TRPS1: variants seen among roughly 807,000 people sequenced by gnomAD.
The protein encoded by TRPS1 is zinc finger transcription factor Trps1.
In TRPS1, 6 loss-of-function variants were observed where a neutral mutation model predicts 101.2. The observed-to-expected ratio is 0.06, with a 90% confidence interval of 0.03 to 0.12. TRPS1 has a LOEUF of 0.12. Among genes scored for constraint, TRPS1 ranks in the 10% least tolerant of loss-of-function variants. TRPS1 has a pLI of 1.00. For missense variants in TRPS1, 1,363 were observed against 1,567.0 expected, an observed-to-expected ratio of 0.87 and a Z score of 2.20; for synonymous variants, 578 against 589.8, an observed-to-expected ratio of 0.98 and a Z score of 0.29.
intron 5 of TRPS1, among the ~76,000 whole-genome samples, chr8:115,549,584 G>T (rs1816656079): frequency 6.6e-6 from 1 of 151,212 alleles, no homozygotes; most frequent in Non-Finnish European, 1.5e-5. Context: ...TATATTCCTT[G>T]AGTTGTGTAG....
chr8:115,516,917 A>G (rs1815726194), intron 5 of TRPS1, among the ~76,000 whole-genome samples: 1 of 151,614 alleles, frequency 6.6e-6, no homozygotes, highest in Admixed American at 6.6e-5. Context: ...TGTGTGAACA[A>G]TTAGTAGAAT....
intron 5 of TRPS1, among the ~76,000 whole-genome samples, chr8:115,585,321 T>C (rs1331480759): frequency 1.3e-5 from 2 of 152,240 alleles, no homozygotes; most frequent in East Asian, 1.9e-4. Flanking sequence ...TTTTATACCA[T>C]TGCTTAATAA....
intron 5 of TRPS1, among the ~76,000 whole-genome samples, chr8:115,550,476 A>C (rs1412149793): frequency 6.6e-6 from 1 of 152,206 alleles, no homozygotes; most frequent in East Asian, 1.9e-4. Context: ...TAGTGGCTAA[A>C]TCTTAAGGAT....
At chr8:115,651,014 C>T (rs1811548136) in intron 1 of TRPS1, among the ~76,000 whole-genome samples, 3 of 152,168 alleles carry the variant, frequency 2.0e-5, no homozygotes, top group Non-Finnish European at 4.4e-5. Context: ...AACATCACAA[C>T]ACAACCTTTG....
intron 5 of TRPS1, among the ~76,000 whole-genome samples, chr8:115,425,607 C>T (rs1406176256): frequency 3.9e-5 from 6 of 152,210 alleles, no homozygotes; most frequent in Admixed American, 2.0e-4. Context: ...TGCTGCTGTG[C>T]TAAACACATT....
intron 5 of TRPS1, among the ~76,000 whole-genome samples, chr8:115,562,108 A>T (rs140274789): frequency 6.6e-6 from 1 of 152,250 alleles, no homozygotes; most frequent in African/African-American, 2.4e-5. Context: ...CCATGAAAGG[A>T]GGTATGAGAA....
intron 5 of TRPS1, among the ~76,000 whole-genome samples, chr8:115,458,326 T>G (rs2129958824): frequency 6.6e-6 from 1 of 152,284 alleles, no homozygotes; most frequent in East Asian, 1.9e-4. Context: ...TAAGTGAGTA[T>G]TTAGTCAAGT....
At chr8:115,563,819 T>A (rs1334739613) in intron 5 of TRPS1, among the ~76,000 whole-genome samples, 6 of 152,000 alleles carry the variant, frequency 3.9e-5, no homozygotes. Context: ...ACTGCTAGAG[T>A]ATACACCTTC....
chr8:115,409,275 A>AAAAAAAAC lies in TRPS1; in HGVS notation c.*4747_*4748insGTTTTTTT, dbSNP rs1274476911. On this transcript the variant is annotated 3_prime_UTR_variant, in exon 7 of 7. Coordinates refer to ENST00000395715, the MANE Select transcript of TRPS1 (RefSeq NM_014112.5). ...TTATATGTTGGGAAAAAAAAAAAAAAAAAAAACAGGGGAAAACCAGAATTG... is the reference window on the plus strand; with the variant it reads ...TTATATGTTGGGAAAAAAAAAAAAAAAAAAAAACAAAAAACAGGGGAAAACCAGAATTG... 3 of 149,876 alleles carry AAAAAAAAC rather than the reference A, an allele frequency of 2.0e-5. No individual in the cohort carries two copies. Among genetic ancestry groups the AAAAAAAAC allele is most frequent in the East Asian group, 1.9e-4 (1 of 5,134 alleles). 9.3% of individuals were successfully genotyped at this position (149,876 alleles called of 1,614,324 possible).
chr8:115,557,648 G>A (rs1243967693), intron 5 of TRPS1, among the ~76,000 whole-genome samples: 5 of 152,192 alleles, frequency 3.3e-5, no homozygotes. Flanking sequence ...ATTATAAGTT[G>A]CCTAAGGCCT....
chr8:115,642,559 C>T (rs1391172294), intron 1 of TRPS1, among the ~76,000 whole-genome samples: 1 of 151,850 alleles, frequency 6.6e-6, no homozygotes, highest in Non-Finnish European at 1.5e-5. Context: ...AATTATGAAA[C>T]TTGTGAATTT....
chr8:115,415,264 C>A (rs558378023), intron 6 of TRPS1, among the ~76,000 whole-genome samples, 180 bp from the exon 7 acceptor site: 15 of 152,122 alleles, frequency 9.9e-5, no homozygotes, highest in Non-Finnish European at 1.6e-4. Flanking sequence ...AACCAAAGTG[C>A]ACTATTTTAG....
intron 5 of TRPS1, among the ~76,000 whole-genome samples, chr8:115,501,845 T>G (rs1815327421): frequency 6.6e-6 from 1 of 152,162 alleles, no homozygotes; most frequent in Non-Finnish European, 1.5e-5. Flanking sequence ...TCTATTGCTT[T>G]TATTAAGGTC....
chr8:115,585,501 C>T (rs572116621), intron 5 of TRPS1, among the ~76,000 whole-genome samples: 2 of 152,232 alleles, frequency 1.3e-5, no homozygotes, highest in South Asian at 2.1e-4. Flanking sequence ...CCCAAATATA[C>T]CATACTCTCA....
At chr8:115,602,989 A>G (rs1817943149) in intron 4 of TRPS1, among the ~76,000 whole-genome samples, 1 of 152,136 alleles carries the variant, frequency 6.6e-6, no homozygotes, top group African/African-American at 2.4e-5. Context: ...TATGACACTT[A>G]TTACTCTTGT....
Position 115,476,189 on chromosome 8 carries a change from T to A in TRPS1, c.2701-57737A>T, listed in dbSNP as rs1487107035. 1.5e-4 allele frequency among the ~76,000 whole-genome samples: 9 copies of A among 60,740 alleles called. 2 individuals are homozygous for A. The highest frequency in any genetic ancestry group is 8.6e-4 in the Admixed American group (5 of 5,836). 39.8% of individuals were successfully genotyped at this position (60,740 alleles called of 152,430 possible). ...GCCCGCCACTACGCCCGGCTAATTT[T>A]TTTGTATTTTTAGTAGAGACGGGGT... On this transcript the variant is annotated intron_variant, in intron 5 of 6. Coordinates refer to ENST00000395715, the MANE Select transcript of TRPS1 (RefSeq NM_014112.5).
intron 5 of TRPS1, among the ~76,000 whole-genome samples, chr8:115,569,211 G>T (rs1263981075): frequency 6.6e-6 from 1 of 152,038 alleles, no homozygotes; most frequent in African/African-American, 2.4e-5. Context: ...TTCCAATCCT[G>T]GCAGGCAATA....
intron 2 of TRPS1, among the ~76,000 whole-genome samples, chr8:115,621,502 C>G (rs184047543): frequency 6.6e-6 from 1 of 152,306 alleles, no homozygotes; most frequent in Admixed American, 6.5e-5. Flanking sequence ...AAAAGCTGGT[C>G]ATGCAAAATT....
intron 5 of TRPS1, among the ~76,000 whole-genome samples, chr8:115,535,669 G>T (rs1816300486): frequency 6.6e-6 from 1 of 150,422 alleles, no homozygotes; most frequent in Non-Finnish European, 1.5e-5. Context: ...AGACCATCCT[G>T]GCTAACACGG....
Sources: allele counts gnomAD v4.1 joint callset (sites outside exome capture counted in the v4.1 genomes callset), GRCh38; gene constraint gnomAD v4.1.1; transcripts MANE v1.5; gene names NCBI Gene and HGNC (gene_info 2026-07-23, HGNC 2026-07-21).